Variants in IQSEC1 observed in about 807,000 individuals in gnomAD.
IQSEC1 encodes IQ motif and SEC7 domain-containing protein 1.
IQSEC1 carries 31 observed loss-of-function variants against 91.0 expected under a neutral mutation model. The ratio of observed to expected loss-of-function variants is 0.34; its 90% CI spans 0.26 to 0.46. IQSEC1 has a LOEUF of 0.46. Ranked by LOEUF, IQSEC1 falls within the 20% of genes least tolerant of loss-of-function variation. IQSEC1 has a pLI of 1.00. For synonymous variants in IQSEC1, 699 were observed against 662.6 expected (o/e 1.05, Z -0.84); for missense variants, 1,388 against 1,575.6 (o/e 0.88, Z 2.02).
In IQSEC1 at chr3:13,240,731, C is replaced by A. The variant is rs116351707; in HGVS notation, c.272+41980G>T. On this transcript the variant is annotated intron_variant, in intron 1 of 15. Coordinates refer to the IQSEC1 transcript ENST00000648114. Reference sequence around the variant, plus strand: ...GTACCCAGTGCTCAAGAAATGCTCACAGCTGAATTGAACGAAATCTGGGCT... The same window carrying A: ...GTACCCAGTGCTCAAGAAATGCTCAAAGCTGAATTGAACGAAATCTGGGCT... Among the ~76,000 whole-genome samples, 289 of 152,286 alleles carry A rather than the reference C, an allele frequency of 1.9e-3. 1 individual carries two copies. Among genetic ancestry groups the A allele is most frequent in the African/African-American group, 6.5e-3 (270 of 41,554 alleles).
At chr3:13,041,232 G>A (rs1205246235) in intron 1 of IQSEC1, among the ~76,000 whole-genome samples, 4 of 147,126 alleles carry the variant, frequency 2.7e-5, no homozygotes, top group African/African-American at 7.5e-5. Context: ...GGGGGGTGGG[G>A]TGAAAGGCTG....
Position 12,941,690 on chromosome 3 carries a change from T to C in IQSEC1, c.199A>G (p.Arg67Gly), listed in dbSNP as rs768575504. Reference protein sequence around the residue: ...GPPGQQQRTRRPKLQHSTSIL... With the variant: ...GPPGQQQRTRGPKLQHSTSIL... ...GAGGTCGAGTGCTGCAGCTTGGGCC[T>C]CCGCGTGCGCTGCTGTTGCCCCGGC... The change falls in exon 2 of 14, where the codon AGG becomes GGG. Residue 67 changes from arginine (R) to glycine (G), a missense_variant. Physicochemically the swap from Arg to Gly is moderately radical, Grantham distance 125 (BLOSUM62 -2). Around this residue, in one of 2 missense-constraint regions of IQSEC1, gnomAD observed 1,059 missense variants for 1,317.8 expected, o/e 0.80. Transcript: ENST00000613206. 6.2e-7 allele frequency: 1 copy of C among 1,612,876 alleles called. No individual in the cohort carries two copies. Among genetic ancestry groups the C allele is most frequent in the South Asian group, 1.1e-5 (1 of 91,070 alleles).
chr3:13,111,505 G>T (rs888684011), intron 2 of IQSEC1, among the ~76,000 whole-genome samples: 1 of 152,200 alleles, frequency 6.6e-6, no homozygotes, highest in Admixed American at 6.5e-5. Context: ...TTCCCACTGC[G>T]GGTAAGCACC....
chr3:13,001,125 A>T (rs113398641), intron 1 of IQSEC1, among the ~76,000 whole-genome samples: 51 of 151,210 alleles, frequency 3.4e-4, no homozygotes, highest in East Asian at 5.8e-4. Flanking sequence ...CTTTTTTTTT[A>T]AATTTTTTTA....
At position 12,922,187 on chromosome 3, in the gene IQSEC1, T is replaced by C; in HGVS notation, c.1786A>G (p.Lys596Glu). The change falls in exon 5 of 14, where the codon AAA becomes GAA. Residue 596 changes from lysine (K) to glutamate (E), a missense_variant. Around this residue, in one of 2 missense-constraint regions of IQSEC1, gnomAD observed 1,059 missense variants for 1,317.8 expected, o/e 0.80. Coordinates refer to ENST00000613206, the MANE Select transcript of IQSEC1 (RefSeq NM_001134382.3). This position sits in a 1 kb window ranked among gnomAD's most constrained non-coding sequence, Gnocchi z 5.1. ...TGGACACGGATGTGCGCCTGGAATTTCCTGAGGGCCTCATCCAGCTCCATG... is the reference window on the plus strand; with the variant it reads ...TGGACACGGATGTGCGCCTGGAATTCCCTGAGGGCCTCATCCAGCTCCATG... ...STMELDEALR[K>E]FQAHIRVQGE... 13 of 1,610,342 alleles carry C rather than the reference T, an allele frequency of 8.1e-6. No individual in the cohort carries two copies. The highest frequency in any genetic ancestry group is 1.1e-5 in the Non-Finnish European group (13 of 1,177,658).
At chr3:13,237,542 G>A (rs561311692) in intron 1 of IQSEC1, among the ~76,000 whole-genome samples, 2 of 152,288 alleles carry the variant, frequency 1.3e-5, no homozygotes, top group South Asian at 4.2e-4. Flanking sequence ...TGCAGGCCCC[G>A]GTTCCCCCAC....
intron 1 of IQSEC1, among the ~76,000 whole-genome samples, chr3:13,243,325 T>C (rs1027825087): frequency 1.3e-5 from 2 of 152,108 alleles, no homozygotes; most frequent in African/African-American, 4.8e-5. Context: ...ACCCTGTGTG[T>C]CCACTGAGAG....
chr3:13,116,858 G>A (rs955525018), intron 2 of IQSEC1, among the ~76,000 whole-genome samples: 1 of 152,148 alleles, frequency 6.6e-6, no homozygotes, highest in Non-Finnish European at 1.5e-5. Context: ...AGACCTAAGT[G>A]TAAGAGCTAG....
At position 12,913,539 on chromosome 3, in the gene IQSEC1, G is replaced by C. The variant is rs939367113; in HGVS notation, c.2205C>G (p.Pro735=). Residue 735 remains proline, a synonymous_variant, in exon 9 of 14, where the codon CCC becomes CCG. Coordinates refer to ENST00000613206, the MANE Select transcript of IQSEC1 (RefSeq NM_001134382.3). The part of the protein sequence containing the change: ...HPGLGCVLSL[P]HRRLVCYCRL... ...GGCAGTAGCAGACCAACCGACGGTG[G>C]GGCAGAGAGAGCACCTGTGTGGGAA... 6.2e-7 allele frequency: 1 copy of C among 1,604,650 alleles called. No homozygotes were observed. Among genetic ancestry groups the C allele is most frequent in the East Asian group, 2.3e-5 (1 of 44,396 alleles).
Position 12,994,701 on chromosome 3 carries a change from G to A in IQSEC1, c.24-52836C>T, listed in dbSNP as rs534368253. On this transcript the variant is annotated intron_variant, in intron 1 of 13. Coordinates refer to ENST00000613206, the MANE Select transcript of IQSEC1 (RefSeq NM_001134382.3). This position sits in a 1 kb window ranked among gnomAD's most constrained non-coding sequence, Gnocchi z 4.5. ...GAAGCCACTGGCCCAGAGGCGCACAGCTGCACCACGCTCCTCCGCGTCCCC... is the reference window on the plus strand; with the variant it reads ...GAAGCCACTGGCCCAGAGGCGCACAACTGCACCACGCTCCTCCGCGTCCCC... 6.6e-6 allele frequency among the ~76,000 whole-genome samples: 1 copy of A among 152,334 alleles called. No homozygotes were observed. Among genetic ancestry groups the A allele is most frequent in the East Asian group, 1.9e-4 (1 of 5,178 alleles).
intron 1 of IQSEC1, among the ~76,000 whole-genome samples, chr3:13,029,783 A>G (rs528160711): frequency 6.6e-6 from 1 of 152,342 alleles, no homozygotes; most frequent in South Asian, 2.1e-4. Flanking sequence ...AGGACTGGTA[A>G]GGACTGCAGC....
intron 1 of IQSEC1, among the ~76,000 whole-genome samples, chr3:13,032,323 ACC>A (rs1703871695): frequency 6.6e-6 from 1 of 152,122 alleles, no homozygotes. Context: ...TGGAGACACA[ACC>A]CCTGATTCCT....
rs1693906229 is a variant in IQSEC1, at chr3:13,184,971, A to G, written c.273-20838T>C. Among the ~76,000 whole-genome samples the G allele has an allele frequency of 1.3e-5, 2 of 152,144 alleles. 1 individual carries two copies. On this transcript the variant is annotated intron_variant, in intron 1 of 15. Transcript: ENST00000648114. The stretch of plus-strand genomic sequence containing the variant: ...GTTCCCGAGTAGGGCCATGGGTCTA[A>G]AGCAGTTCCTACCTCCACACAGACA...
intron 2 of IQSEC1, among the ~76,000 whole-genome samples, chr3:13,151,928 T>C (rs954134674): frequency 1.3e-5 from 2 of 152,028 alleles, no homozygotes; most frequent in African/African-American, 4.8e-5. Flanking sequence ...ATCGAGTCAC[T>C]GTACTCCAGG....
chr3:13,194,548 C>T (rs1694093291), intron 1 of IQSEC1, among the ~76,000 whole-genome samples: 1 of 152,170 alleles, frequency 6.6e-6, no homozygotes, highest in African/African-American at 2.4e-5. Context: ...AACTCGCTTT[C>T]CACCCCCCTT....
intron 2 of IQSEC1, among the ~76,000 whole-genome samples, chr3:13,157,482 T>C (rs1707102140): frequency 6.6e-6 from 1 of 152,164 alleles, no homozygotes; most frequent in Admixed American, 6.5e-5. Flanking sequence ...GGACCCACAA[T>C]TCATAGGCCA....
At chr3:13,255,015 C>G (rs1695262103) in intron 1 of IQSEC1, among the ~76,000 whole-genome samples, 1 of 152,216 alleles carries the variant, frequency 6.6e-6, no homozygotes, top group Non-Finnish European at 1.5e-5. Context: ...ACAATCAGAG[C>G]GGACGCACTG....
intron 1 of IQSEC1, among the ~76,000 whole-genome samples, chr3:13,264,627 G>C (rs1695452091): frequency 6.6e-6 from 1 of 152,076 alleles, no homozygotes; most frequent in Admixed American, 6.5e-5. Flanking sequence ...CACTCTGCAG[G>C]AAGGCTGGCA....
intron 1 of IQSEC1, among the ~76,000 whole-genome samples, chr3:13,208,768 C>A (rs2125060020): frequency 6.6e-6 from 1 of 152,316 alleles, no homozygotes; most frequent in Middle Eastern, 3.4e-3. Flanking sequence ...CTTCATGTTC[C>A]AGCCATGTTC....
Sources: allele counts gnomAD v4.1 joint callset (sites outside exome capture counted in the v4.1 genomes callset), GRCh38; gene constraint gnomAD v4.1.1; regional missense constraint gnomAD v4.1.1; non-coding constraint Gnocchi (gnomAD v3.1); transcripts MANE v1.5; gene names NCBI Gene and HGNC (gene_info 2026-07-23, HGNC 2026-07-21).